The following PALM2AKAP2 variants were observed in gnomAD, a reference collection of about 807,000 sequenced individuals.
The protein encoded by PALM2AKAP2 is PALM2-AKAP2 fusion protein.
Under a neutral mutation model 71.5 loss-of-function variants are expected in PALM2AKAP2, and 37 were observed. That is an observed-to-expected ratio of 0.52 (90% CI 0.40 to 0.68). The LOEUF (loss-of-function observed/expected upper bound fraction) is 0.68. Among genes scored for constraint, PALM2AKAP2 ranks in the 30% least tolerant of loss-of-function variants. The pLI is 0.00. For missense variants in PALM2AKAP2, 1,224 were observed against 1,191.8 expected (o/e 1.03, Z -0.40); for synonymous variants, 468 against 478.8 (o/e 0.98, Z 0.29).
At chr9:109,680,475 C>T (rs528816192) in intron 1 of PALM2AKAP2, among the ~76,000 whole-genome samples, 178 of 152,292 alleles carry the variant, frequency 1.2e-3, no homozygotes, top group African/African-American at 4.0e-3. Context: ...GAATACTACC[C>T]TCAGGGCATA....
intron 1 of PALM2AKAP2, among the ~76,000 whole-genome samples, chr9:109,794,306 G>C (rs1171027840): frequency 6.6e-6 from 1 of 151,852 alleles, no homozygotes; most frequent in African/African-American, 2.4e-5. Flanking sequence ...AGGGTTAACA[G>C]TTTGGCCCAT....
chr9:109,868,281 C>T (rs973741444), intron 2 of PALM2AKAP2, among the ~76,000 whole-genome samples: 8 of 152,180 alleles, frequency 5.3e-5, no homozygotes, highest in African/African-American at 1.7e-4. Context: ...CAGGAGAAAG[C>T]TCTGTCACTG....
chr9:109,800,687 T>G (rs1827402422), intron 1 of PALM2AKAP2, among the ~76,000 whole-genome samples: 1 of 152,234 alleles, frequency 6.6e-6, no homozygotes, highest in South Asian at 2.1e-4. Flanking sequence ...CATCTTAGCT[T>G]TATCTTTCTC....
At chr9:109,713,197 C>T (rs1324955678) in intron 1 of PALM2AKAP2, among the ~76,000 whole-genome samples, 3 of 152,166 alleles carry the variant, frequency 2.0e-5, no homozygotes, top group Admixed American at 1.3e-4. Context: ...TTATTGAATG[C>T]TCCCTTCTTC....
chr9:109,759,341 G>T (rs536046151), intron 1 of PALM2AKAP2, among the ~76,000 whole-genome samples: 1 of 151,998 alleles, frequency 6.6e-6, no homozygotes, highest in Non-Finnish European at 1.5e-5. Context: ...AGAATGTTTT[G>T]TAAGTGTACA....
chr9:110,049,004 T>C (rs764870448), intron 1 of PALM2AKAP2: 137 of 1,112,884 alleles, frequency 1.2e-4, no homozygotes, highest in Admixed American at 1.9e-4. Context: ...GTGGTCCTTG[T>C]CGAGCGGAGC....
At chr9:109,852,565 A>G (rs144917243) in intron 1 of PALM2AKAP2, among the ~76,000 whole-genome samples, 142 of 152,316 alleles carry the variant, frequency 9.3e-4, no homozygotes, top group African/African-American at 3.4e-3. Flanking sequence ...AGGATTGCAG[A>G]GTCCAGTGGC....
At chr9:109,665,241 G>A (rs188363088) in intron 1 of PALM2AKAP2, among the ~76,000 whole-genome samples, 2,120 of 152,108 alleles carry the variant, frequency 0.014, 61 homozygotes, top group African/African-American at 0.049. Context: ...GCAAGTACCC[G>A]CGCTCCTTTG....
intron 1 of PALM2AKAP2, chr9:109,640,910 A>G (rs1398983421): frequency 5.3e-6 from 8 of 1,500,258 alleles, no homozygotes; most frequent in Middle Eastern, 1.7e-4. Context: ...TCCTCTCGGC[A>G]TGTTGCCATG....
At chr9:109,931,317 G>A (rs1045714553) in intron 5 of PALM2AKAP2, among the ~76,000 whole-genome samples, 3 of 152,112 alleles carry the variant, frequency 2.0e-5, no homozygotes, top group Admixed American at 6.5e-5. Flanking sequence ...GGGCTCAAGG[G>A]GTATTGTCAT....
In PALM2AKAP2 at chr9:109,770,810, A is replaced by T. The variant is rs143971057; in HGVS notation, c.6-9678A>T. ...TCCAGAAGGATACAGGTGTCAACAG[A>T]TAAGATTATGCTCATAATTAGAAAA... On this transcript the variant is annotated intron_variant, in intron 1 of 6. Coordinates refer to the PALM2AKAP2 transcript ENST00000374531. Among the ~76,000 whole-genome samples, 638 of 152,344 alleles carry T rather than the reference A, an allele frequency of 4.2e-3. 3 individuals carry two copies. The highest frequency in any genetic ancestry group is 0.015 in the African/African-American group (605 of 41,582).
intron 3 of PALM2AKAP2, among the ~76,000 whole-genome samples, chr9:109,894,795 T>G (rs115352653): frequency 6.6e-6 from 1 of 152,120 alleles, no homozygotes; most frequent in African/African-American, 2.4e-5. Flanking sequence ...ATAGTTTTTT[T>G]AAGAGAGACA....
chr9:110,038,329 A>AAAACAAAC lies in PALM2AKAP2; in HGVS notation c.582+22314_582+22321dup, dbSNP rs72079683. The stretch of plus-strand genomic sequence containing the variant: ...TGGGTGACAGAGTGACCCTGTCTCA[A>AAAACAAAC]AAACAAACAAACAAACAAACAAACA... On this transcript the variant is annotated intron_variant, in intron 7 of 9. Transcript: ENST00000302798. Among the ~76,000 whole-genome samples the AAAACAAAC allele has an allele frequency of 8.6e-3, 1,304 of 151,430 alleles. 23 individuals are homozygous for AAAACAAAC. The highest frequency in any genetic ancestry group is 0.029 in the African/African-American group (1,208 of 41,276).
chr9:109,702,430 G>C (rs145528162), intron 1 of PALM2AKAP2, among the ~76,000 whole-genome samples: 6 of 152,074 alleles, frequency 3.9e-5, no homozygotes. Context: ...GGATGAGTTC[G>C]TGTCCTTTGT....
intron 1 of PALM2AKAP2, among the ~76,000 whole-genome samples, chr9:109,739,978 T>C (rs1332767190): frequency 6.6e-6 from 1 of 152,132 alleles, no homozygotes; most frequent in Non-Finnish European, 1.5e-5. Flanking sequence ...TATCATAGAG[T>C]TCTTTGAAGT....
At chr9:109,971,282 C>CT (rs1304200183) in intron 6 of PALM2AKAP2, among the ~76,000 whole-genome samples, 2 of 100,760 alleles carry the variant, frequency 2.0e-5, no homozygotes, top group Non-Finnish European at 1.9e-5. Flanking sequence ...ACTCTTAGTC[C>CT]CTTTTTTTTT....
chr9:109,673,512 CT>C (rs1242882342), intron 1 of PALM2AKAP2, among the ~76,000 whole-genome samples: 2 of 152,012 alleles, frequency 1.3e-5, no homozygotes, highest in African/African-American at 4.8e-5. Flanking sequence ...GAGTGTTTTA[CT>C]TTTTATGTGA....
chr9:109,867,204 G>GTGTGTGTA (rs1491234365), intron 1 of PALM2AKAP2: 1 of 404,716 alleles, frequency 2.5e-6, no homozygotes, highest in Non-Finnish European at 4.8e-6. Flanking sequence ...GTGTGTGTGT[G>GTGTGTGTA]TCTGTGTGTG....
intron 7 of PALM2AKAP2, among the ~76,000 whole-genome samples, chr9:110,035,470 T>G (rs568947709): frequency 3.6e-4 from 52 of 144,654 alleles, no homozygotes; most frequent in African/African-American, 1.3e-3. Context: ...TGTATATATA[T>G]GATATGTTGT....
Sources: allele counts gnomAD v4.1 joint callset (sites outside exome capture counted in the v4.1 genomes callset), GRCh38; gene constraint gnomAD v4.1.1; transcripts MANE v1.5; gene names NCBI Gene and HGNC (gene_info 2026-07-23, HGNC 2026-07-21).